DMD: variants seen among roughly 807,000 people sequenced by gnomAD.
The protein encoded by DMD is dystrophin, also known as mutant dystrophin.
A neutral mutation model predicts 330.1 loss-of-function variants in DMD; 63 were observed. The observed-to-expected ratio is 0.19, with a 90% confidence interval of 0.16 to 0.24. DMD has a LOEUF of 0.24. DMD is among the 10% of genes least tolerant of loss of function. The pLI is 1.00. For synonymous variants in DMD, 1,223 were observed against 959.8 expected, an observed-to-expected ratio of 1.27 and a Z score of -5.07; for missense variants, 3,344 against 2,684.1, an observed-to-expected ratio of 1.25 and a Z score of -5.43.
chrX:32,486,955 T>C (rs1361343226), intron 20 of DMD, among the ~76,000 whole-genome samples: 2 of 110,191 alleles, frequency 1.8e-5, no homozygotes, highest in African/African-American at 6.6e-5. Context: ...GGACTTCATG[T>C]CCAAAACACC....
At chrX:32,729,961 G>C (rs1383797146) in intron 7 of DMD, among the ~76,000 whole-genome samples, 2 of 111,839 alleles carry the variant, frequency 1.8e-5, no homozygotes, top group East Asian at 2.8e-4. Context: ...GTATACTTAA[G>C]AGTTGGTTAA....
intron 2 of DMD, among the ~76,000 whole-genome samples, chrX:33,006,613 T>A (rs954813143): frequency 3.6e-5 from 4 of 111,640 alleles, no homozygotes; most frequent in Non-Finnish European, 7.5e-5. Flanking sequence ...TTACTGCTAC[T>A]GGATTTACAA....
At chrX:31,325,425 C>A (rs945533921) in intron 61 of DMD, among the ~76,000 whole-genome samples, 2 of 93,222 alleles carry the variant, frequency 2.1e-5, no homozygotes, top group Middle Eastern at 6.0e-3. Flanking sequence ...CATGAGGAAA[C>A]GCTATCTCTA....
rs398123923 is a variant in DMD, at chrX:33,211,281, C to T, written c.31+1G>A. The T allele has an allele frequency of 8.3e-7, 1 of 1,208,868 alleles. No individual in the cohort carries two copies. The highest frequency in any genetic ancestry group is 1.1e-6 in the Non-Finnish European group (1 of 893,951). On this transcript the variant is annotated splice_donor_variant, in intron 1 of 78. Coordinates refer to ENST00000357033, the MANE Select transcript of DMD (RefSeq NM_004006.3). LOFTEE classifies it high-confidence loss of function. ...TATATTTTTAGTTACTTTGTACTTA[C>T]AACAGTCCTCTACTTCTTCCCACCA...
intron 1 of DMD, among the ~76,000 whole-genome samples, chrX:33,200,983 G>A (rs759919995): frequency 3.2e-4 from 29 of 89,541 alleles, no homozygotes; most frequent in African/African-American, 1.2e-3. Context: ...CCAGGCTGGA[G>A]TACAGTGGCG....
At chrX:33,307,747 G>T (rs761612412) in intron 1 of DMD, among the ~76,000 whole-genome samples, 2 of 111,109 alleles carry the variant, frequency 1.8e-5, no homozygotes, top group Non-Finnish European at 3.8e-5. Flanking sequence ...AGTACTAATG[G>T]TTCCAGTGAG....
chrX:31,610,643 T>A (rs1303890669), intron 55 of DMD, among the ~76,000 whole-genome samples: 1 of 112,285 alleles, frequency 8.9e-6, no homozygotes, highest in Admixed American at 9.5e-5. Flanking sequence ...AAGAGAAGAT[T>A]CCCTAAATCA....
chrX:31,837,406 G>C (rs1021530029), intron 48 of DMD, among the ~76,000 whole-genome samples: 1 of 111,498 alleles, frequency 9.0e-6, no homozygotes, highest in African/African-American at 3.3e-5. Context: ...TCAGTCTGGA[G>C]AAGGCTGAAG....
chrX:31,727,684 A>T (rs771905772), intron 52 of DMD, among the ~76,000 whole-genome samples: 1 of 112,275 alleles, frequency 8.9e-6, no homozygotes, highest in East Asian at 2.8e-4. Flanking sequence ...TGCTGTAGTA[A>T]GCCTCCAAGA....
chrX:31,630,434 T>C (rs1304925896), intron 54 of DMD, among the ~76,000 whole-genome samples: 1 of 111,658 alleles, frequency 9.0e-6, no homozygotes, highest in Non-Finnish European at 1.9e-5. Context: ...GAATAATAGG[T>C]AAGACTGTTG....
In DMD at chrX:31,121,335, C is replaced by G. The variant is rs992777852; in HGVS notation, c.*584G>C. On this transcript the variant is annotated 3_prime_UTR_variant, in exon 79 of 79. Transcript: ENST00000357033. ...CATTTGGTGTGGTGGTAGAGGAAGT[C>G]TTATCTTTAATATGCAAAAAAAGAA... The G allele has an allele frequency of 2.5e-5, 3 of 119,652 alleles. No homozygotes were observed. Among genetic ancestry groups the G allele is most frequent in the African/African-American group, 9.8e-5 (3 of 30,532 alleles). 9.9% of individuals were successfully genotyped at this position (119,652 alleles called of 1,213,427 possible). A position where few individuals can be genotyped will look rare whatever the true frequency, so the allele number is the denominator to read the frequency against.
chrX:32,389,792 A>T, intron 31 of DMD, 118 bp from the exon 32 acceptor site: 1 of 735,043 alleles, frequency 1.4e-6, no homozygotes, highest in Non-Finnish European at 2.0e-6. Context: ...ATAAAAACAA[A>T]ATAAAGCAGT....
At chrX:31,785,362 G>A (rs936595704) in intron 50 of DMD, among the ~76,000 whole-genome samples, 5 of 111,975 alleles carry the variant, frequency 4.5e-5, no homozygotes, top group African/African-American at 1.6e-4. Context: ...GAGATCTGTT[G>A]AATAACAATG....
At chrX:31,222,986 C>T in intron 64 of DMD, 61 bp downstream of exon 64, 5 of 1,049,928 alleles carry the variant, frequency 4.8e-6, no homozygotes, top group Non-Finnish European at 6.7e-6. Flanking sequence ...TGTACCCAAC[C>T]TACTTTTTAT....
intron 43 of DMD, among the ~76,000 whole-genome samples, chrX:32,250,616 T>C (rs2097259795): frequency 1.8e-5 from 2 of 112,002 alleles, no homozygotes; most frequent in South Asian, 3.7e-4. Flanking sequence ...ACGGAAACAG[T>C]GAAAAGCAAT....
chrX:32,022,538 A>C (rs2095813445), intron 44 of DMD, among the ~76,000 whole-genome samples: 1 of 112,558 alleles, frequency 8.9e-6, no homozygotes. Context: ...CAAGTTCTAA[A>C]GAATTTTTAA....
At chrX:32,304,880 T>C (rs1039794372) in intron 42 of DMD, among the ~76,000 whole-genome samples, 2 of 111,516 alleles carry the variant, frequency 1.8e-5, no homozygotes, top group Admixed American at 9.5e-5. Context: ...TTCCACGCAT[T>C]AAACTGTTAG....
intron 7 of DMD, among the ~76,000 whole-genome samples, chrX:32,748,365 G>T (rs759612285): frequency 9.6e-6 from 1 of 104,652 alleles, no homozygotes; most frequent in Non-Finnish European, 1.9e-5. Flanking sequence ...AAAAAGAAAA[G>T]AAAAGAAAAG....
rs112088944 is a variant in DMD, at chrX:31,658,223, G to C, written c.7873-79C>G. ...TAGTTGGAGTGTCTTAAAATACTTCGTAAACAGCTTCTGAATCCTCAGGTC... is the reference window on the plus strand; with the variant it reads ...TAGTTGGAGTGTCTTAAAATACTTCCTAAACAGCTTCTGAATCCTCAGGTC... On this transcript the variant is annotated intron_variant, in intron 53 of 78. Transcript: ENST00000357033. 9.8e-5 allele frequency: 102 copies of C among 1,046,062 alleles called. No individual in the cohort carries two copies. In the African/African-American group the frequency reaches 1.4e-3, roughly 15 times the overall value. 86.2% of individuals were successfully genotyped at this position (1,046,062 alleles called of 1,213,427 possible). A position where few individuals can be genotyped will look rare whatever the true frequency, so the allele number is the denominator to read the frequency against.
Sources: gnomAD v4.1 joint callset for allele counts (sites outside exome capture counted in the v4.1 genomes callset) on GRCh38, gnomAD v4.1.1 for gene constraint, MANE v1.5 for transcripts, NCBI Gene and HGNC (gene_info 2026-07-23, HGNC 2026-07-21) for gene names.